CYRIA: variants seen among roughly 807,000 people sequenced by gnomAD.
CYRIA encodes CYFIP related Rac1 interactor A.
Under a neutral mutation model 43.9 loss-of-function variants are expected in CYRIA, and 15 were observed. That is an observed-to-expected ratio of 0.34 (90% CI 0.23 to 0.53). The LOEUF (loss-of-function observed/expected upper bound fraction) is 0.53, where lower values mean the gene tolerates loss of function less well. Ranked by LOEUF, CYRIA falls within the 20% of genes least tolerant of loss-of-function variation. CYRIA has a pLI of 0.94. For missense variants in CYRIA, 236 were observed against 394.2 expected (o/e 0.60, Z 3.40); for synonymous variants, 117 against 136.0 (o/e 0.86, Z 0.97).
chr2:16,630,367 T>C (rs963888708), intron 1 of CYRIA, among the ~76,000 whole-genome samples: 1 of 151,904 alleles, frequency 6.6e-6, no homozygotes, highest in Non-Finnish European at 1.5e-5. Context: ...TGTTTATGAG[T>C]CATGGGGCAG....
At chr2:16,610,934 A>C (rs1468600339) in intron 2 of CYRIA, among the ~76,000 whole-genome samples, 1 of 122,798 alleles carries the variant, frequency 8.1e-6, no homozygotes, top group Non-Finnish European at 1.7e-5. Flanking sequence ...ATATATATAT[A>C]TATCCTGTAT....
chr2:16,607,398 T>C (rs951650781), intron 2 of CYRIA, among the ~76,000 whole-genome samples: 6 of 152,114 alleles, frequency 3.9e-5, no homozygotes, highest in Non-Finnish European at 8.8e-5. Context: ...AAGTTAGCCA[T>C]GGTTAGCATA....
In CYRIA at chr2:16,551,443, T is replaced by C. The variant is rs1666304490; in HGVS notation, c.*1493A>G. The stretch of plus-strand genomic sequence containing the variant: ...AAGGGTTGAATCCCATCCCATAGTA[T>C]GTATTCACAGCCACATGGTATAAAA... On this transcript the variant is annotated 3_prime_UTR_variant, in exon 12 of 12. Transcript: ENST00000381323. The C allele has an allele frequency of 6.6e-6, 1 of 152,184 alleles. No individual in the cohort carries two copies. The highest frequency in any genetic ancestry group is 2.1e-4 in the South Asian group (1 of 4,836). The allele number at this position is 152,184 out of a possible 1,614,324, so 9.4% of individuals were successfully genotyped here. A position where few individuals can be genotyped will look rare whatever the true frequency, so the allele number is the denominator to read the frequency against.
At chr2:16,654,909 A>G (rs908919713) in intron 1 of CYRIA, among the ~76,000 whole-genome samples, 1 of 152,178 alleles carries the variant, frequency 6.6e-6, no homozygotes, top group African/African-American at 2.4e-5. Context: ...ACATTCATAT[A>G]CCACAAATAG....
intron 3 of CYRIA, among the ~76,000 whole-genome samples, chr2:16,572,303 T>C (rs1667157550): frequency 6.6e-6 from 1 of 151,596 alleles, no homozygotes; most frequent in South Asian, 2.1e-4. Flanking sequence ...TTTAAAGCAC[T>C]TAAAAAGCAA....
rs1666242506 is a variant in CYRIA, at chr2:16,550,058, A to G, written c.*2878T>C. ...AGTGGTGCACAACGAGTTTCTGAGAACACAGTAATAACGCCAAAGTAGCAG... is the reference window on the plus strand; with the variant it reads ...AGTGGTGCACAACGAGTTTCTGAGAGCACAGTAATAACGCCAAAGTAGCAG... On this transcript the variant is annotated 3_prime_UTR_variant, in exon 12 of 12. Transcript: ENST00000381323. The G allele has an allele frequency of 1.3e-5, 2 of 151,526 alleles. No individual in the cohort carries two copies. Among genetic ancestry groups the G allele is most frequent in the Non-Finnish European group, 2.9e-5 (2 of 67,890 alleles). The allele number at this position is 151,526 out of a possible 1,614,324, so 9.4% of individuals were successfully genotyped here.
chr2:16,616,172 G>A (rs1668781306), intron 2 of CYRIA, among the ~76,000 whole-genome samples: 1 of 152,100 alleles, frequency 6.6e-6, no homozygotes, highest in Non-Finnish European at 1.5e-5. Context: ...GTCCTTCACG[G>A]TGGGAACCCG....
chr2:16,657,404 C>T (rs1670144748), intron 1 of CYRIA, among the ~76,000 whole-genome samples: 1 of 151,862 alleles, frequency 6.6e-6, no homozygotes, highest in African/African-American at 2.4e-5. Context: ...CTTATTTTTA[C>T]TTCTCAGGAA....
intron 3 of CYRIA, among the ~76,000 whole-genome samples, chr2:16,582,017 A>G (rs575198514): frequency 9.6e-4 from 146 of 152,330 alleles, no homozygotes; most frequent in African/African-American, 3.5e-3. Flanking sequence ...TTACAATGTA[A>G]GTCAGACCTG....
chr2:16,618,333 A>G (rs1308430944), intron 2 of CYRIA, among the ~76,000 whole-genome samples: 1 of 152,120 alleles, frequency 6.6e-6, no homozygotes, highest in Non-Finnish European at 1.5e-5. Context: ...TCCTGATATA[A>G]AAGGGAATGC....
intron 3 of CYRIA, among the ~76,000 whole-genome samples, chr2:16,573,228 T>C (rs1370135473): frequency 6.6e-6 from 1 of 152,192 alleles, no homozygotes; most frequent in Non-Finnish European, 1.5e-5. Context: ...TAAGATGCCA[T>C]CTAAATTCTC....
At chr2:16,633,431 T>G (rs1558436142) in intron 1 of CYRIA, among the ~76,000 whole-genome samples, 1 of 150,616 alleles carries the variant, frequency 6.6e-6, no homozygotes, top group Non-Finnish European at 1.5e-5. Context: ...TATTTATTTT[T>G]GAGACAGGGT....
At chr2:16,556,239 T>C (rs1237546993) in intron 10 of CYRIA, among the ~76,000 whole-genome samples, 1 of 151,916 alleles carries the variant, frequency 6.6e-6, no homozygotes, top group Non-Finnish European at 1.5e-5. Flanking sequence ...GAAAACAGGG[T>C]TGGGAATCAT....
At chr2:16,599,552 C>A (rs1391266459) in intron 2 of CYRIA, among the ~76,000 whole-genome samples, 3 of 133,776 alleles carry the variant, frequency 2.2e-5, no homozygotes, top group African/African-American at 8.9e-5. Context: ...TGACCCCTTG[C>A]GCTTCCCAGG....
intron 10 of CYRIA, among the ~76,000 whole-genome samples, chr2:16,557,425 A>G (rs115184191): frequency 6.6e-6 from 1 of 152,246 alleles, no homozygotes; most frequent in African/African-American, 2.4e-5. Context: ...TCAGGCCCTC[A>G]CGAAGAGATC....
At chr2:16,635,878 T>G (rs7420179) in intron 1 of CYRIA, among the ~76,000 whole-genome samples, 16,355 of 152,232 alleles carry the variant, frequency 0.11, 1,183 homozygotes, top group African/African-American at 0.19. Context: ...AAGCCACTTT[T>G]TAAAGACAAT....
At chr2:16,559,656 G>A in intron 9 of CYRIA, 70 bp from the exon 10 acceptor site, 1 of 1,555,118 alleles carries the variant, frequency 6.4e-7, no homozygotes, top group East Asian at 2.3e-5. Flanking sequence ...CCCCACAACT[G>A]GATACTTTAG....
chr2:16,593,638 C>A (rs1221424497), intron 2 of CYRIA, among the ~76,000 whole-genome samples: 1 of 149,060 alleles, frequency 6.7e-6, no homozygotes, highest in African/African-American at 2.5e-5. Flanking sequence ...GGTGTGGTTA[C>A]TCTTTTAGTA....
chr2:16,619,347 G>A (rs750882073), intron 2 of CYRIA, among the ~76,000 whole-genome samples: 50 of 151,938 alleles, frequency 3.3e-4, no homozygotes, highest in Non-Finnish European at 6.0e-4. Flanking sequence ...ACATACACAC[G>A]TACATAAAAC....
Sources: gnomAD v4.1 joint callset for allele counts (sites outside exome capture counted in the v4.1 genomes callset) on GRCh38, gnomAD v4.1.1 for gene constraint, MANE v1.5 for transcripts, NCBI Gene and HGNC (gene_info 2026-07-23, HGNC 2026-07-21) for gene names.